CDH8: variants seen among roughly 807,000 people sequenced by gnomAD.
CDH8 encodes the protein cadherin-8.
Under a neutral mutation model 68.1 loss-of-function variants are expected in CDH8, and 17 were observed. That is an observed-to-expected ratio of 0.25 (90% CI 0.17 to 0.37). The LOEUF (loss-of-function observed/expected upper bound fraction) is 0.37. Ranked by LOEUF, CDH8 falls within the 10% of genes least tolerant of loss-of-function variation. The pLI, the probability that CDH8 is intolerant of heterozygous loss-of-function variation, is 1.00. For synonymous variants in CDH8, 372 were observed against 365.1 expected, an observed-to-expected ratio of 1.02 and a Z score of -0.21; for missense variants, 763 against 999.3, an observed-to-expected ratio of 0.76 and a Z score of 3.19.
intron 10 of CDH8, among the ~76,000 whole-genome samples, chr16:61,658,411 T>C (rs994504628): frequency 1.3e-5 from 2 of 151,980 alleles, no homozygotes; most frequent in African/African-American, 2.4e-5. Flanking sequence ...TTCTTAATTA[T>C]ATAAAATTAT....
chr16:61,927,807 C>G (rs1964478778), intron 2 of CDH8, among the ~76,000 whole-genome samples: 1 of 152,188 alleles, frequency 6.6e-6, no homozygotes, highest in African/African-American at 2.4e-5. Flanking sequence ...GATACTGAAG[C>G]CTCAATGTAT....
chr16:61,720,375 A>G (rs1251394322), intron 9 of CDH8, among the ~76,000 whole-genome samples: 1 of 151,014 alleles, frequency 6.6e-6, no homozygotes, highest in Admixed American at 6.6e-5. Context: ...AAGCGTATTC[A>G]GGTTTCCTAC....
At chr16:61,788,631 T>A (rs994344409) in intron 8 of CDH8, among the ~76,000 whole-genome samples, 1 of 152,010 alleles carries the variant, frequency 6.6e-6, no homozygotes, top group Admixed American at 6.6e-5. Context: ...AATTTCACCA[T>A]ATAGCTATTG....
chr16:61,845,599 T>A (rs1197808871), intron 4 of CDH8, among the ~76,000 whole-genome samples: 8 of 152,036 alleles, frequency 5.3e-5, no homozygotes, highest in Non-Finnish European at 1.2e-4. Context: ...AATCTCTGAT[T>A]TACTAAATTC....
intron 3 of CDH8, among the ~76,000 whole-genome samples, chr16:61,882,071 C>T (rs558871420): frequency 1.3e-5 from 2 of 152,246 alleles, no homozygotes; most frequent in South Asian, 2.1e-4. Context: ...AAGCAAATGC[C>T]GTGTCTAATA....
At chr16:61,913,503 G>A (rs1457450246) in intron 2 of CDH8, among the ~76,000 whole-genome samples, 1 of 152,098 alleles carries the variant, frequency 6.6e-6, no homozygotes, top group African/African-American at 2.4e-5. Context: ...CATGGATACT[G>A]AAAAACACCT....
intron 2 of CDH8, among the ~76,000 whole-genome samples, chr16:62,008,569 C>T (rs560404681): frequency 1.4e-4 from 22 of 152,172 alleles, no homozygotes; most frequent in African/African-American, 3.9e-4. Context: ...CATGATCATA[C>T]AGCTCACTGC....
At chr16:61,947,904 T>C (rs901191387) in intron 2 of CDH8, among the ~76,000 whole-genome samples, 1 of 152,180 alleles carries the variant, frequency 6.6e-6, no homozygotes, top group African/African-American at 2.4e-5. Flanking sequence ...ATGGAATTTT[T>C]ATCCATACAG....
chr16:61,705,077 A>G (rs1964503242), intron 10 of CDH8, among the ~76,000 whole-genome samples: 1 of 152,210 alleles, frequency 6.6e-6, no homozygotes, highest in African/African-American at 2.4e-5. Context: ...CTAGAATGAA[A>G]GCAAAGGCAA....
intron 4 of CDH8, among the ~76,000 whole-genome samples, chr16:61,853,312 C>T (rs947069934): frequency 5.3e-5 from 8 of 151,944 alleles, no homozygotes; most frequent in South Asian, 4.1e-4. Flanking sequence ...AGCATTCTTG[C>T]GAGGAAAAAA....
Position 62,033,170 on chromosome 16 carries a change from A to ATGT in CDH8, c.-200+2909_-200+2910insACA, listed in dbSNP as rs141223723. ...AGTGGTCTTCTCCATCCAGCTGAGC[A>ATGT]TTCCTGGGCTGTTTGTTTGTTTTGT... On this transcript the variant is annotated intron_variant, in intron 1 of 11. Transcript: ENST00000577390. Among the ~76,000 whole-genome samples the ATGT allele has an allele frequency of 8.7e-3, 1,324 of 152,312 alleles. 18 individuals carry two copies. The highest frequency in any genetic ancestry group is 0.03 in the African/African-American group (1,230 of 41,552).
chr16:61,749,647 T>G (rs2142944155), intron 8 of CDH8, among the ~76,000 whole-genome samples: 1 of 152,114 alleles, frequency 6.6e-6, no homozygotes, highest in Middle Eastern at 3.4e-3. Flanking sequence ...TGAATGAAAT[T>G]ATATATAAAA....
intron 7 of CDH8, among the ~76,000 whole-genome samples, chr16:61,795,175 C>T (rs1367013280): frequency 6.6e-6 from 1 of 151,234 alleles, no homozygotes; most frequent in Non-Finnish European, 1.5e-5. Context: ...ACAGAAAATA[C>T]TTAAAAAAAA....
chr16:61,776,639 G>T (rs1960905718), intron 8 of CDH8, among the ~76,000 whole-genome samples: 1 of 152,070 alleles, frequency 6.6e-6, no homozygotes, highest in Non-Finnish European at 1.5e-5. Flanking sequence ...GGGTAGTTTT[G>T]CTTGATGACA....
intron 10 of CDH8, among the ~76,000 whole-genome samples, chr16:61,703,017 T>C (rs1567431335): frequency 1.3e-5 from 2 of 152,210 alleles, no homozygotes; most frequent in Non-Finnish European, 2.9e-5. Flanking sequence ...TGCAATTTGA[T>C]ATATAATCAA....
intron 2 of CDH8, among the ~76,000 whole-genome samples, chr16:61,993,266 G>A (rs1004036832): frequency 2.0e-5 from 3 of 152,036 alleles, no homozygotes; most frequent in Non-Finnish European, 1.5e-5. Context: ...ACTGAAATTG[G>A]AGACAGCACT....
At chr16:61,999,084 T>A (rs1419246568) in intron 2 of CDH8, among the ~76,000 whole-genome samples, 1 of 152,206 alleles carries the variant, frequency 6.6e-6, no homozygotes, top group South Asian at 2.1e-4. Flanking sequence ...CTCTTCATTA[T>A]CTGATTATAA....
intron 2 of CDH8, among the ~76,000 whole-genome samples, chr16:61,925,497 T>A (rs975468389): frequency 5.3e-5 from 8 of 152,216 alleles, no homozygotes; most frequent in African/African-American, 1.9e-4. Context: ...ACATTATTTT[T>A]ACTGTTAGAG....
At chr16:61,669,572 A>C (rs1200771884) in intron 10 of CDH8, among the ~76,000 whole-genome samples, 1 of 152,094 alleles carries the variant, frequency 6.6e-6, no homozygotes, top group Non-Finnish European at 1.5e-5. Flanking sequence ...TACGCATTTC[A>C]AGAAACTTCT....
Sources: allele counts gnomAD v4.1 joint callset (sites outside exome capture counted in the v4.1 genomes callset), GRCh38; gene constraint gnomAD v4.1.1; transcripts MANE v1.5; gene names NCBI Gene and HGNC (gene_info 2026-07-23, HGNC 2026-07-21).